EXD3: variants seen among roughly 807,000 people sequenced by gnomAD.
EXD3 encodes the protein exonuclease mut-7 homolog.
In EXD3, 92 loss-of-function variants were observed where a neutral mutation model predicts 98.0. The ratio of observed to expected loss-of-function variants is 0.94; its 90% confidence interval spans 0.79 to 1.12. The LOEUF is 1.12. Among genes scored for constraint, EXD3 ranks in the 50% most tolerant of loss-of-function variants. The pLI, the probability that EXD3 is intolerant of heterozygous loss-of-function variation, is 0.00. For synonymous variants in EXD3, 569 were observed against 526.0 expected, an observed-to-expected ratio of 1.08 and a Z score of -1.12; for missense variants, 1,222 against 1,191.6, an observed-to-expected ratio of 1.03 and a Z score of -0.38.
At chr9:137,322,014 G>C (rs1485051224) in intron 19 of EXD3, among the ~76,000 whole-genome samples, 1 of 152,192 alleles carries the variant, frequency 6.6e-6, no homozygotes, top group East Asian at 1.9e-4. Context: ...CTGGGGACAG[G>C]AGAGGAGGGA....
chr9:137,366,945 G>A (rs539983501), intron 6 of EXD3, among the ~76,000 whole-genome samples: 1 of 152,350 alleles, frequency 6.6e-6, no homozygotes, highest in South Asian at 2.1e-4. Flanking sequence ...AGTAGCCCTG[G>A]TAGTCCGGAA....
In EXD3 at chr9:137,349,335, A is replaced by C. The variant is rs960295292; in HGVS notation, c.1657+34T>G. ...CGGGACAGAGGGCGGGAGGGGCGTG[A>C]GGAGGGGTCACTCCCACCCGCCGCA... On this transcript the variant is annotated intron_variant, in intron 15 of 21. Coordinates refer to ENST00000340951, the MANE Select transcript of EXD3 (RefSeq NM_017820.5). This position sits in a 1 kb window ranked among gnomAD's most constrained non-coding sequence, Gnocchi z 7.4. 1.3e-6 allele frequency: 2 copies of C among 1,551,198 alleles called. No homozygotes were observed. The highest frequency in any genetic ancestry group is 2.7e-5 in the African/African-American group (2 of 73,776).
chr9:137,399,015 A>G (rs1326285879), intron 1 of EXD3, among the ~76,000 whole-genome samples: 1 of 152,012 alleles, frequency 6.6e-6, no homozygotes, highest in East Asian at 1.9e-4. Flanking sequence ...TCCTCGTAAC[A>G]CGTGCACACC....
chr9:137,365,712 A>C (rs563051273), intron 7 of EXD3: 2 of 304,822 alleles, frequency 6.6e-6, no homozygotes, highest in African/African-American at 2.2e-5. Flanking sequence ...ACACCCATGC[A>C]CACACACATA....
intron 19 of EXD3, among the ~76,000 whole-genome samples, chr9:137,312,059 A>C (rs1444704014): frequency 6.6e-6 from 1 of 152,166 alleles, no homozygotes; most frequent in Non-Finnish European, 1.5e-5. Context: ...CCAGGACTCC[A>C]TGCCAGGGTT....
In EXD3 at chr9:137,361,045, T is replaced by G. The variant is rs73581595; in HGVS notation, c.657-4677A>C. ...CAGTATTGAATAAAAACAGCAGTTC[T>G]CAGACATTAGGCAACAGGTGGCTCA... On this transcript the variant is annotated intron_variant, in intron 7 of 21. Coordinates refer to ENST00000340951, the MANE Select transcript of EXD3 (RefSeq NM_017820.5). 8.8e-3 allele frequency among the ~76,000 whole-genome samples: 767 copies of G among 87,260 alleles called. 235 individuals are homozygous for G. Among genetic ancestry groups the G allele is most frequent in the Middle Eastern group, 0.042 (5 of 120 alleles). 57.2% of individuals were successfully genotyped at this position (87,260 alleles called of 152,430 possible).
Position 137,373,556 on chromosome 9 carries a change from G to A in EXD3, c.164C>T (p.Pro55Leu), listed in dbSNP as rs1302638478. 2 of 1,603,862 alleles carry A rather than the reference G, an allele frequency of 1.2e-6. No homozygotes were observed. Among genetic ancestry groups the A allele is most frequent in the Non-Finnish European group, 8.5e-7 (1 of 1,176,318 alleles). The change falls in exon 4 of 22, where the codon CCC becomes CTC. Residue 55 changes from proline to leucine, a missense_variant. Transcript: ENST00000340951. Reference sequence around the variant, plus strand: ...CAGCATGTCCAGAAGCCCGGCCAGGGGGTCGTCCAAGGCAGCAAACCCCCG... The same window carrying A: ...CAGCATGTCCAGAAGCCCGGCCAGGAGGTCGTCCAAGGCAGCAAACCCCCG... ...AWRGFAALDDPLAGLLDMLES... is the reference protein window; with the variant it reads ...AWRGFAALDDLLAGLLDMLES...
chr9:137,368,690 G>T (rs1281668306), intron 5 of EXD3, among the ~76,000 whole-genome samples: 4 of 152,244 alleles, frequency 2.6e-5, no homozygotes, highest in African/African-American at 4.8e-5. Context: ...GACCAAAATA[G>T]CGGCCTGGGA....
At chr9:137,365,501 CAT>C (rs527301414) in intron 7 of EXD3, 80 of 158,714 alleles carry the variant, frequency 5.0e-4, no homozygotes, top group African/African-American at 7.2e-4. Flanking sequence ...CACACACACA[CAT>C]GCACACCTGC....
At chr9:137,314,780 C>G (rs937851212) in intron 19 of EXD3, among the ~76,000 whole-genome samples, 1 of 152,192 alleles carries the variant, frequency 6.6e-6, no homozygotes, top group African/African-American at 2.4e-5. Flanking sequence ...GTCGGGACAA[C>G]TGGGCCCACA....
intron 17 of EXD3, among the ~76,000 whole-genome samples, chr9:137,338,710 C>G (rs1032345898): frequency 2.9e-4 from 43 of 150,180 alleles, no homozygotes; most frequent in Non-Finnish European, 5.2e-4. Context: ...CATGGTGAAA[C>G]CCCGTCTCTA....
chr9:137,354,303 C>T lies in EXD3; in HGVS notation c.870+36G>A, dbSNP rs370020871. 1.5e-4 allele frequency: 240 copies of T among 1,609,586 alleles called. 1 individual carries two copies. In the East Asian group the frequency reaches 3.0e-3, roughly 20 times the overall value. ...GTGCCCCTAGGACAGCCGCCCAGGC[C>T]GCCCTGCCGGCTTACAGGCAAGGGC... On this transcript the variant is annotated intron_variant, in intron 10 of 21. Coordinates refer to ENST00000340951, the MANE Select transcript of EXD3 (RefSeq NM_017820.5).
At chr9:137,396,309 GA>G (rs977416741) in intron 1 of EXD3, among the ~76,000 whole-genome samples, 2 of 152,192 alleles carry the variant, frequency 1.3e-5, no homozygotes, top group Non-Finnish European at 2.9e-5. Context: ...CTACACTTAC[GA>G]GGGTCACCCT....
chr9:137,335,092 A>C (rs1833285937), intron 17 of EXD3, among the ~76,000 whole-genome samples: 1 of 151,918 alleles, frequency 6.6e-6, no homozygotes, highest in African/African-American at 2.4e-5. Context: ...GAAAAAAAAA[A>C]ACAAACAAAA....
rs571781353 is a variant in EXD3 at position 137,390,843 on chromosome 9, GGAGA to G, written c.55+4456_55+4459del. ...GCTCAGCCTCCTTCAGTGGAGCCGA[GGAGA>G]GAAAGGCCCGGGAGCCTCCTGGCCA... is the stretch of plus-strand genomic sequence containing the variant. On this transcript the variant is annotated intron_variant, in intron 2 of 21. Transcript: ENST00000340951. 5.9e-3 allele frequency among the ~76,000 whole-genome samples: 893 copies of G among 152,348 alleles called. 5 individuals are homozygous for G. The highest frequency in any genetic ancestry group is 9.6e-3 in the Non-Finnish European group (654 of 68,032).
At chr9:137,402,217 T>C (rs1296126926) in intron 1 of EXD3, among the ~76,000 whole-genome samples, 1 of 152,150 alleles carries the variant, frequency 6.6e-6, no homozygotes, top group East Asian at 1.9e-4. Context: ...GGTTTCACCA[T>C]ATTGGTCAGG....
intron 1 of EXD3, among the ~76,000 whole-genome samples, chr9:137,408,469 C>T (rs1837839434): frequency 6.8e-6 from 1 of 147,170 alleles, no homozygotes. Flanking sequence ...ATGGCGTGAA[C>T]CCGGGAGGTG....
chr9:137,306,974 G>C lies in EXD3; in HGVS notation c.2607C>G (p.Pro869=). 8 of 1,592,470 alleles carry C rather than the reference G, an allele frequency of 5.0e-6. No homozygotes were observed. The highest frequency in any genetic ancestry group is 6.9e-6 in the Non-Finnish European group (8 of 1,167,726). ...APSPCEPSPA[P]SPASSPF Reference sequence around the variant, plus strand: ...CTCAGAAGGGACTGCTGGCCGGGCTGGGGGCTGGGCTCGGCTCGCAGGGGC... The same window carrying C: ...CTCAGAAGGGACTGCTGGCCGGGCTCGGGGCTGGGCTCGGCTCGCAGGGGC... The change falls in exon 22 of 22, where the codon CCC becomes CCG. Residue 869 remains proline, a synonymous_variant. Coordinates refer to ENST00000340951, the MANE Select transcript of EXD3 (RefSeq NM_017820.5).
chr9:137,312,887 C>T (rs1051519084), intron 19 of EXD3, among the ~76,000 whole-genome samples: 1 of 152,124 alleles, frequency 6.6e-6, no homozygotes, highest in African/African-American at 2.4e-5. Context: ...TGTCTGTGTG[C>T]CCACCTGACC....
Sources: gnomAD v4.1 joint callset for allele counts (sites outside exome capture counted in the v4.1 genomes callset) on GRCh38, gnomAD v4.1.1 for gene constraint, Gnocchi (gnomAD v3.1) non-coding constraint, MANE v1.5 for transcripts, NCBI Gene and HGNC (gene_info 2026-07-23, HGNC 2026-07-21) for gene names.